ITPR1: variants seen among roughly 807,000 people sequenced by gnomAD.
ITPR1 encodes the protein inositol 1,4,5-trisphosphate receptor type 1.
ITPR1 carries 96 observed loss-of-function variants against 318.4 expected under a neutral mutation model. That is an observed-to-expected ratio of 0.30 (90% CI 0.26 to 0.36). The LOEUF is 0.36. Among genes scored for constraint, ITPR1 ranks in the 10% least tolerant of loss-of-function variants. ITPR1 has a pLI of 1.00. For synonymous variants in ITPR1, 1,312 were observed against 1,289.9 expected, an observed-to-expected ratio of 1.02 and a Z score of -0.37; for missense variants, 2,440 against 3,460.2, an observed-to-expected ratio of 0.71 and a Z score of 7.40.
chr3:4,527,782 C>G (rs873768), intron 4 of ITPR1, among the ~76,000 whole-genome samples: 26,079 of 152,092 alleles, frequency 0.17, 2,788 homozygotes, highest in Admixed American at 0.25. Flanking sequence ...TTGAGGATCA[C>G]ACTTGTGGCC....
chr3:4,537,259 C>T (rs2083960209), intron 4 of ITPR1, among the ~76,000 whole-genome samples: 1 of 152,176 alleles, frequency 6.6e-6, no homozygotes, highest in African/African-American at 2.4e-5. Flanking sequence ...AAAGTCATCC[C>T]AGCCATCTGT....
At chr3:4,523,598 G>T (rs1381711812) in intron 4 of ITPR1, among the ~76,000 whole-genome samples, 2 of 151,984 alleles carry the variant, frequency 1.3e-5, no homozygotes, top group Non-Finnish European at 2.9e-5. Flanking sequence ...CCCAGCCCCT[G>T]GTGACCACTG....
intron 43 of ITPR1, among the ~76,000 whole-genome samples, chr3:4,734,060 A>G (rs912401530): frequency 2.6e-5 from 4 of 152,220 alleles, no homozygotes; most frequent in Non-Finnish European, 5.9e-5. Flanking sequence ...GTCCTAGCAC[A>G]TGCTAAGGAG....
At chr3:4,614,449 G>A (rs898393481) in intron 4 of ITPR1, among the ~76,000 whole-genome samples, 6 of 152,168 alleles carry the variant, frequency 3.9e-5, no homozygotes, top group African/African-American at 1.4e-4. Flanking sequence ...TCTGTTTGAA[G>A]GACTTCAAGC....
chr3:4,768,391 T>C, intron 45 of ITPR1, 120 bp from the exon 46 acceptor site: 1 of 1,194,274 alleles, frequency 8.4e-7, no homozygotes, highest in Non-Finnish European at 1.1e-6. Context: ...TTGAGTGTTT[T>C]GCCAACTTTG....
chr3:4,514,072 G>A (rs1485171364), intron 2 of ITPR1, among the ~76,000 whole-genome samples: 2 of 150,464 alleles, frequency 1.3e-5, no homozygotes, highest in Non-Finnish European at 3.0e-5. Context: ...GGGCAACAGA[G>A]CAAGACTCTG....
intron 41 of ITPR1, among the ~76,000 whole-genome samples, chr3:4,726,827 G>A (rs1048958227): frequency 6.6e-6 from 1 of 152,192 alleles, no homozygotes; most frequent in African/African-American, 2.4e-5. Context: ...TAATGTCACA[G>A]CATATAATAT....
At chr3:4,669,108 G>C (rs1412398136) in intron 18 of ITPR1, among the ~76,000 whole-genome samples, 1 of 152,182 alleles carries the variant, frequency 6.6e-6, no homozygotes, top group Non-Finnish European at 1.5e-5. Flanking sequence ...TCTGGAGCCT[G>C]CTCAAGGGCT....
intron 51 of ITPR1, among the ~76,000 whole-genome samples, chr3:4,786,436 A>G (rs2047202150): frequency 6.6e-6 from 1 of 152,204 alleles, no homozygotes; most frequent in Non-Finnish European, 1.5e-5. Context: ...TCTCACCTCT[A>G]AGAGAGTTTC....
Position 4,818,208 on chromosome 3 carries a change from C to G in ITPR1, c.7994C>G (p.Thr2665Ser), listed in dbSNP as rs765393814. The change falls in exon 60 of 62, where the codon ACT becomes AGT. Residue 2665 changes from threonine (T) to serine (S), a missense_variant. Physicochemically the swap from Thr to Ser is moderately conservative, Grantham distance 58. This residue lies in a region of ITPR1 where 72 missense variants were observed against 197.7 expected (regional missense o/e 0.36). Transcript: ENST00000649015. Reference protein sequence around the residue: ...LVKVKDSTEYTGPESYVAEMI... With the variant: ...LVKVKDSTEYSGPESYVAEMI... ...AAAGTAAAGGACTCCACCGAATATA[C>G]TGGGCCTGAGAGTTACGTGGCAGAA... is the stretch of plus-strand genomic sequence containing the variant. 11 of 1,586,878 alleles carry G rather than the reference C, an allele frequency of 6.9e-6. No homozygotes were observed. In the South Asian group the frequency reaches 1.0e-4, roughly 15 times the overall value.
chr3:4,792,953 G>A (rs924324636), intron 52 of ITPR1, among the ~76,000 whole-genome samples: 8 of 152,068 alleles, frequency 5.3e-5, no homozygotes, highest in African/African-American at 1.5e-4. Context: ...GGGTGTGTTC[G>A]GGAACCACCA....
intron 55 of ITPR1, among the ~76,000 whole-genome samples, chr3:4,808,432 C>G (rs756855183): frequency 6.6e-6 from 1 of 152,226 alleles, no homozygotes; most frequent in Non-Finnish European, 1.5e-5. Context: ...CAGTTTGCAT[C>G]TGTGCTTTCA....
At chr3:4,533,085 G>T (rs1018469138) in intron 4 of ITPR1, among the ~76,000 whole-genome samples, 1 of 152,120 alleles carries the variant, frequency 6.6e-6, no homozygotes, top group Admixed American at 6.6e-5. Flanking sequence ...GGTTGGGAGC[G>T]TTGGGTCAAT....
chr3:4,714,447 C>G (rs1292734152), intron 39 of ITPR1, among the ~76,000 whole-genome samples: 1 of 152,112 alleles, frequency 6.6e-6, no homozygotes, highest in Non-Finnish European at 1.5e-5. Flanking sequence ...GCCTTCACCG[C>G]CAAAGAATCG....
chr3:4,611,397 TA>T (rs995735617), intron 4 of ITPR1, among the ~76,000 whole-genome samples: 1 of 151,638 alleles, frequency 6.6e-6, no homozygotes, highest in African/African-American at 2.4e-5. Flanking sequence ...CCGTCTTTAC[TA>T]AAATTAGAGA....
At chr3:4,509,210 A>G (rs1054601416) in intron 2 of ITPR1, among the ~76,000 whole-genome samples, 1 of 152,180 alleles carries the variant, frequency 6.6e-6, no homozygotes, top group African/African-American at 2.4e-5. Context: ...AAGTTATGGA[A>G]GTTGCTTAAG....
At chr3:4,614,641 C>T (rs2639804) in intron 4 of ITPR1, among the ~76,000 whole-genome samples, 13,207 of 152,222 alleles carry the variant, frequency 0.087, 1,855 homozygotes, top group African/African-American at 0.3. Flanking sequence ...CACTTTAGTG[C>T]TTCCAGGTCT....
At chr3:4,495,373 G>A (rs575685881) in intron 2 of ITPR1, among the ~76,000 whole-genome samples, 1 of 152,214 alleles carries the variant, frequency 6.6e-6, no homozygotes. Context: ...CAATCTTTGG[G>A]CTTTTCTAAT....
In ITPR1 at chr3:4,710,242, T is replaced by C; in HGVS notation, c.4843-83T>C. 1 of 1,341,904 alleles carries C rather than the reference T, an allele frequency of 7.5e-7. No homozygotes were observed. Among genetic ancestry groups the C allele is most frequent in the Middle Eastern group, 2.8e-4 (1 of 3,624 alleles). 83.1% of individuals were successfully genotyped at this position (1,341,904 alleles called of 1,614,324 possible). On this transcript the variant is annotated intron_variant, in intron 37 of 61. Coordinates refer to ENST00000649015, the MANE Select transcript of ITPR1 (RefSeq NM_001378452.1). This position sits in a 1 kb window ranked among gnomAD's most constrained non-coding sequence, Gnocchi z 4.2. ...AACCTAGCCTACCCGTGCATCAGTGTTTTAGGGCAGAAATCAATGTCCTCA... is the reference window on the plus strand; with the variant it reads ...AACCTAGCCTACCCGTGCATCAGTGCTTTAGGGCAGAAATCAATGTCCTCA...
Sources: allele counts gnomAD v4.1 joint callset (sites outside exome capture counted in the v4.1 genomes callset), GRCh38; gene constraint gnomAD v4.1.1; regional missense constraint gnomAD v4.1.1; non-coding constraint Gnocchi (gnomAD v3.1); transcripts MANE v1.5; gene names NCBI Gene and HGNC (gene_info 2026-07-23, HGNC 2026-07-21).